MED28: variants seen among roughly 807,000 people sequenced by gnomAD.
MED28 encodes mediator of RNA polymerase II transcription subunit 28.
A neutral mutation model predicts 21.3 loss-of-function variants in MED28; 26 were observed. The observed-to-expected ratio is 1.22, with a 90% confidence interval of 0.89 to 1.69. The LOEUF (loss-of-function observed/expected upper bound fraction) is 1.69. Among genes scored for constraint, MED28 ranks in the 40% most tolerant of loss-of-function variants. The pLI is 0.00. For synonymous variants in MED28, 110 were observed against 87.6 expected, an observed-to-expected ratio of 1.26 and a Z score of -1.43; for missense variants, 257 against 215.4, an observed-to-expected ratio of 1.19 and a Z score of -1.21.
rs4698634 is a variant in MED28 at position 17,628,569 on chromosome 4, G to T, written c.*4771G>T. 81,538 of 151,692 alleles carry T rather than the reference G, an allele frequency of 0.54. 24,079 individuals carry two copies. The highest frequency in any genetic ancestry group is 0.88 in the East Asian group (4,513 of 5,128). 9.4% of individuals were successfully genotyped at this position (151,692 alleles called of 1,614,324 possible). A position where few individuals can be genotyped will look rare whatever the true frequency, so the allele number is the denominator to read the frequency against. On this transcript the variant is annotated 3_prime_UTR_variant, in exon 4 of 4. Transcript: ENST00000237380. ...TCTCTGTGATGAATAGACCCAACTT[G>T]TTCAAATACAGGCATTTCTGGTGGG...
rs1388617750 is a variant in MED28 at position 17,617,447 on chromosome 4, G to C, written c.160-2454G>C. Among the ~76,000 whole-genome samples, 3 of 152,178 alleles carry C rather than the reference G, an allele frequency of 2.0e-5. No homozygotes were observed. The East Asian group carries it at 5.8e-4, about 29-fold the overall frequency. On this transcript the variant is annotated intron_variant, in intron 1 of 3. Transcript: ENST00000237380. ...GCTCATGCACTCTTGATTTTGGAGG[G>C]AACGTTGGAGACCATCTAGTTCCAT... is the stretch of plus-strand genomic sequence containing the variant.
At chr4:17,621,560 T>G (rs1714633163) in intron 2 of MED28, 27 bp from the exon 3 acceptor site, 1 of 1,445,430 alleles carries the variant, frequency 6.9e-7, no homozygotes, top group Non-Finnish European at 9.4e-7. Flanking sequence ...TTTCTTATTT[T>G]AATAATTTTG....
chr4:17,615,204 C>T (rs929789044), intron 1 of MED28, among the ~76,000 whole-genome samples: 10 of 152,182 alleles, frequency 6.6e-5, no homozygotes, highest in African/African-American at 2.2e-4. Flanking sequence ...TGGGCTTCAC[C>T]TTTAAACGAT....
intron 1 of MED28, among the ~76,000 whole-genome samples, chr4:17,616,200 C>T (rs1714446977): frequency 6.6e-6 from 1 of 152,206 alleles, no homozygotes; most frequent in African/African-American, 2.4e-5. Context: ...CGTGATCCAC[C>T]CGCCTCGGCC....
rs1303741821 is a variant in MED28, at chr4:17,625,822, G to A, written c.*2024G>A. 2 of 311,698 alleles carry A rather than the reference G, an allele frequency of 6.4e-6. No individual in the cohort carries two copies. Among genetic ancestry groups the A allele is most frequent in the Non-Finnish European group, 1.3e-5 (2 of 159,284 alleles). 19.3% of individuals were successfully genotyped at this position (311,698 alleles called of 1,614,324 possible). On this transcript the variant is annotated 3_prime_UTR_variant, in exon 4 of 4. Coordinates refer to ENST00000237380, the MANE Select transcript of MED28 (RefSeq NM_025205.5). ...GAGTGGAGTATTATGTCTTGGAAGA[G>A]ACTCCTGCTGTGATTGTCCAGGGGT...
In MED28 at chr4:17,623,827, G is replaced by C. The variant is rs1209877013; in HGVS notation, c.*29G>C. ...AAGGGCAGAGGCAGTTGGCCTATGA[G>C]TGGGCTGATGCGTGAGGTTGGCCAC... On this transcript the variant is annotated 3_prime_UTR_variant, in exon 4 of 4. Coordinates refer to ENST00000237380, the MANE Select transcript of MED28 (RefSeq NM_025205.5). 2 of 1,595,488 alleles carry C rather than the reference G, an allele frequency of 1.3e-6. No homozygotes were observed. The highest frequency in any genetic ancestry group is 1.7e-6 in the Non-Finnish European group (2 of 1,168,250).
In MED28 at chr4:17,632,014, T is replaced by G. The variant is rs1272903062; in HGVS notation, c.*8216T>G. ...AACGCTAATAACATTTTCCTATAGA[T>G]GACTTTTAATAACACTGGTTTAATG... is the stretch of plus-strand genomic sequence containing the variant. On this transcript the variant is annotated 3_prime_UTR_variant, in exon 4 of 4. Transcript: ENST00000237380. 1.3e-5 allele frequency: 2 copies of G among 151,714 alleles called. No individual in the cohort carries two copies. Among genetic ancestry groups the G allele is most frequent in the African/African-American group, 4.8e-5 (2 of 41,242 alleles). 9.4% of individuals were successfully genotyped at this position (151,714 alleles called of 1,614,324 possible). A position where few individuals can be genotyped will look rare whatever the true frequency, so the allele number is the denominator to read the frequency against.
chr4:17,626,994 T>C lies in MED28; in HGVS notation c.*3196T>C, dbSNP rs546928265. On this transcript the variant is annotated 3_prime_UTR_variant, in exon 4 of 4. Coordinates refer to ENST00000237380, the MANE Select transcript of MED28 (RefSeq NM_025205.5). ...TTTTTTTTTTTTTTGAGATGGAGTC[T>C]TGCTCTGTCGCCCGGTTAGAGTGCA... The C allele has an allele frequency of 1.4e-5, 2 of 146,926 alleles. No individual in the cohort carries two copies. Among genetic ancestry groups the C allele is most frequent in the Admixed American group, 1.4e-4 (2 of 14,512 alleles). The allele number at this position is 146,926 out of a possible 1,614,324, so 9.1% of individuals were successfully genotyped here. A position where few individuals can be genotyped will look rare whatever the true frequency, so the allele number is the denominator to read the frequency against.
chr4:17,633,862 G>A lies in MED28; in HGVS notation c.*10064G>A. 2 of 1,550,464 alleles carry A rather than the reference G, an allele frequency of 1.3e-6. No homozygotes were observed. The highest frequency in any genetic ancestry group is 1.7e-6 in the Non-Finnish European group (2 of 1,146,482). On this transcript the variant is annotated 3_prime_UTR_variant, in exon 4 of 4. Coordinates refer to ENST00000237380, the MANE Select transcript of MED28 (RefSeq NM_025205.5). ...CGAGGTTCGGCACGCTGACCACGCG[G>A]CTGGGCACGTCCTCCACCTTCTTTT...
chr4:17,625,789 G>T lies in MED28; in HGVS notation c.*1991G>T. ...ATGCCCTCTGCCAAGCACTGCTCTGGTACTGGGGAGTGGAGTATTATGTCT... is the reference window on the plus strand; with the variant it reads ...ATGCCCTCTGCCAAGCACTGCTCTGTTACTGGGGAGTGGAGTATTATGTCT... On this transcript the variant is annotated 3_prime_UTR_variant, in exon 4 of 4. Transcript: ENST00000237380. 2.6e-6 allele frequency: 1 copy of T among 380,042 alleles called. No individual in the cohort carries two copies. The highest frequency in any genetic ancestry group is 8.2e-5 in the East Asian group (1 of 12,240). 23.5% of individuals were successfully genotyped at this position (380,042 alleles called of 1,614,324 possible). A position where few individuals can be genotyped will look rare whatever the true frequency, so the allele number is the denominator to read the frequency against.
chr4:17,623,110 A>G (rs866136741), intron 3 of MED28, among the ~76,000 whole-genome samples: 4 of 152,184 alleles, frequency 2.6e-5, no homozygotes, highest in Non-Finnish European at 5.9e-5. Context: ...TATAAGAAAA[A>G]TAAACGTAGG....
rs899294744 is a variant in MED28 at position 17,614,749 on chromosome 4, C to T, written c.95C>T (p.Ala32Val). The change falls in exon 1 of 4, where the codon GCA becomes GTA. Residue 32 changes from alanine (A) to valine (V), a missense_variant. By Grantham distance (64) the Ala-to-Val change is moderately conservative. Coordinates refer to ENST00000237380, the MANE Select transcript of MED28 (RefSeq NM_025205.5). ...CCGGGCCAAGCTTCGCTTCTTCAGGCAGCTCCAGGCGCTCCTAGACCTTCC... is the reference window on the plus strand; with the variant it reads ...CCGGGCCAAGCTTCGCTTCTTCAGGTAGCTCCAGGCGCTCCTAGACCTTCC... ...GLPGQASLLQ[A>V]APGAPRPSSS... is the part of the protein sequence containing the mutation. 1.2e-5 allele frequency: 19 copies of T among 1,614,152 alleles called. No homozygotes were observed. The highest frequency in any genetic ancestry group is 2.5e-6 in the Non-Finnish European group (3 of 1,180,054).
Position 17,624,168 on chromosome 4 carries a change from C to T in MED28, c.*370C>T, listed in dbSNP as rs9884404. 0.051 allele frequency: 11,865 copies of T among 233,628 alleles called. 980 individuals carry two copies. The highest frequency in any genetic ancestry group is 0.2 in the African/African-American group (8,843 of 44,126). 14.5% of individuals were successfully genotyped at this position (233,628 alleles called of 1,614,324 possible). ...GATCCGAAGGAAAAGAGTATAGTAGCCTGAGAATCAGGAGATGGGAGTTTT... is the reference window on the plus strand; with the variant it reads ...GATCCGAAGGAAAAGAGTATAGTAGTCTGAGAATCAGGAGATGGGAGTTTT... On this transcript the variant is annotated 3_prime_UTR_variant, in exon 4 of 4. Coordinates refer to ENST00000237380, the MANE Select transcript of MED28 (RefSeq NM_025205.5).
Position 17,624,409 on chromosome 4 carries a change from G to C in MED28, c.*611G>C, listed in dbSNP as rs559024684. The C allele has an allele frequency of 6.6e-6, 1 of 152,350 alleles. No homozygotes were observed. The highest frequency in any genetic ancestry group is 6.5e-5 in the Admixed American group (1 of 15,314). 9.4% of individuals were successfully genotyped at this position (152,350 alleles called of 1,614,324 possible). ...AGTAATCTTACAGTAGGATCCTTAGGTTGATGCTGACTTCTGTTTGGGGTA... is the reference window on the plus strand; with the variant it reads ...AGTAATCTTACAGTAGGATCCTTAGCTTGATGCTGACTTCTGTTTGGGGTA... On this transcript the variant is annotated 3_prime_UTR_variant, in exon 4 of 4. Transcript: ENST00000237380.
At chr4:17,615,070 A>G (rs955067869) in intron 1 of MED28, among the ~76,000 whole-genome samples, 5 of 152,202 alleles carry the variant, frequency 3.3e-5, no homozygotes, top group Admixed American at 3.3e-4. Flanking sequence ...GAACCCTTCC[A>G]GATTCCCAGC....
At position 17,632,450 on chromosome 4, in the gene MED28, T is replaced by A; in HGVS notation, c.*8652T>A. The A allele has an allele frequency of 8.6e-7, 1 of 1,163,632 alleles. No individual in the cohort carries two copies. Among genetic ancestry groups the A allele is most frequent in the Non-Finnish European group, 1.2e-6 (1 of 818,464 alleles). 72.1% of individuals were successfully genotyped at this position (1,163,632 alleles called of 1,614,324 possible). A position where few individuals can be genotyped will look rare whatever the true frequency, so the allele number is the denominator to read the frequency against. On this transcript the variant is annotated 3_prime_UTR_variant, in exon 4 of 4. Transcript: ENST00000237380. ...ATCATAAGCATATTATTTGGTTGGTTGGTGTTAGTTCATTCCTTCAATCGG... is the reference window on the plus strand; with the variant it reads ...ATCATAAGCATATTATTTGGTTGGTAGGTGTTAGTTCATTCCTTCAATCGG...
chr4:17,618,660 G>A (rs1308312767), intron 1 of MED28, among the ~76,000 whole-genome samples: 2 of 152,072 alleles, frequency 1.3e-5, no homozygotes, highest in East Asian at 1.9e-4. Context: ...GGGACTACAG[G>A]CACGTGCCAC....
rs1216848102 is a variant in MED28 at position 17,633,757 on chromosome 4, C to G, written c.*9959C>G. ...TCCGGCCACAGCTGGGGCTTGGGTCCAAGCTGGGTGATGTAGTTATTGGAG... is the reference window on the plus strand; with the variant it reads ...TCCGGCCACAGCTGGGGCTTGGGTCGAAGCTGGGTGATGTAGTTATTGGAG... On this transcript the variant is annotated 3_prime_UTR_variant, in exon 4 of 4. Coordinates refer to ENST00000237380, the MANE Select transcript of MED28 (RefSeq NM_025205.5). 1 of 1,551,214 alleles carries G rather than the reference C, an allele frequency of 6.4e-7. No individual in the cohort carries two copies.
rs1374122866 is a variant in MED28 at position 17,627,413 on chromosome 4, CT to C, written c.*3617del. 5.9e-5 allele frequency: 9 copies of C among 152,510 alleles called. No homozygotes were observed. The highest frequency in any genetic ancestry group is 1.3e-4 in the Non-Finnish European group (9 of 68,288). The allele number at this position is 152,510 out of a possible 1,614,324, so 9.4% of individuals were successfully genotyped here. On this transcript the variant is annotated 3_prime_UTR_variant, in exon 4 of 4. Coordinates refer to ENST00000237380, the MANE Select transcript of MED28 (RefSeq NM_025205.5). ...CCCATCTTCATCTTCTTTACTTGAACTTAATTCTTTTTCATGCATCTTCCCT... is the reference window on the plus strand; with the variant it reads ...CCCATCTTCATCTTCTTTACTTGAACTAATTCTTTTTCATGCATCTTCCCT...
Sources: gnomAD v4.1 joint callset for allele counts (sites outside exome capture counted in the v4.1 genomes callset) on GRCh38, gnomAD v4.1.1 for gene constraint, MANE v1.5 for transcripts, NCBI Gene and HGNC (gene_info 2026-07-23, HGNC 2026-07-21) for gene names.